CREBBP: variants seen among roughly 807,000 people sequenced by gnomAD.
CREBBP encodes CREB binding lysine acetyltransferase.
Under a neutral mutation model 265.0 loss-of-function variants are expected in CREBBP, and 19 were observed. That is an observed-to-expected ratio of 0.07 (90% CI 0.05 to 0.11). The LOEUF is 0.11. CREBBP is among the 10% of genes least tolerant of loss of function. The pLI is 1.00. For missense variants in CREBBP, 2,525 were observed against 3,219.0 expected, an observed-to-expected ratio of 0.78 and a Z score of 5.22; for synonymous variants, 1,457 against 1,223.7, an observed-to-expected ratio of 1.19 and a Z score of -3.98.
intron 2 of CREBBP, among the ~76,000 whole-genome samples, chr16:3,834,620 T>C (rs142380579): frequency 6.6e-6 from 1 of 152,262 alleles, no homozygotes; most frequent in East Asian, 1.9e-4. Context: ...TATACATTTG[T>C]CCAAGTCCAC....
At chr16:3,791,845 G>A in intron 5 of CREBBP, 136 bp downstream of exon 5, 1 of 773,746 alleles carries the variant, frequency 1.3e-6, no homozygotes, top group South Asian at 1.4e-5. Flanking sequence ...GCTGTACCTT[G>A]GGCTGCTGTC....
intron 1 of CREBBP, among the ~76,000 whole-genome samples, chr16:3,852,082 A>C (rs2054857767): frequency 8.2e-6 from 1 of 121,730 alleles, no homozygotes; most frequent in Non-Finnish European, 1.7e-5. Flanking sequence ...AAAAGAATGT[A>C]TGTGTGTAAC....
intron 2 of CREBBP, among the ~76,000 whole-genome samples, chr16:3,820,272 T>C (rs1477783524): frequency 1.3e-5 from 2 of 152,248 alleles, no homozygotes; most frequent in Non-Finnish European, 2.9e-5. Flanking sequence ...TATCACTCGC[T>C]TGCTCTTGGA....
intron 2 of CREBBP, among the ~76,000 whole-genome samples, chr16:3,842,708 T>C (rs2054587617): frequency 3.9e-5 from 6 of 152,116 alleles, no homozygotes; most frequent in Admixed American, 3.9e-4. Flanking sequence ...CTCATGCCTG[T>C]AACCTCAGCA....
rs759500116 is a variant in CREBBP, at chr16:3,728,414, T to TTGC, written c.6630_6632dup (p.Gln2216dup). The TTGC allele has an allele frequency of 1.0e-4, 168 of 1,613,094 alleles. No individual in the cohort carries two copies. Among genetic ancestry groups the TTGC allele is most frequent in the African/African-American group, 1.3e-4 (10 of 74,754 alleles). On this transcript the variant is annotated inframe_insertion, in exon 31 of 31. Transcript: ENST00000262367. The surrounding 1 kb of genome is among the most constrained non-coding windows in gnomAD (Gnocchi z 8.7). ...CGGCACTCCCTTGCTGCTGCTGCTGTTGCTGCTGTTGTTGCTGCTGCTGTT... is the reference window on the plus strand; with the variant it reads ...CGGCACTCCCTTGCTGCTGCTGCTGTTGCTGCTGCTGTTGTTGCTGCTGCTGTT...
Position 3,727,140 on chromosome 16 carries a change from G to T in CREBBP, c.*578C>A, listed in dbSNP as rs970023403. 2 of 235,566 alleles carry T rather than the reference G, an allele frequency of 8.5e-6. No individual in the cohort carries two copies. Among genetic ancestry groups the T allele is most frequent in the Non-Finnish European group, 1.7e-5 (2 of 119,446 alleles). The allele number at this position is 235,566 out of a possible 1,614,324, so 14.6% of individuals were successfully genotyped here. On this transcript the variant is annotated 3_prime_UTR_variant, in exon 31 of 31. Transcript: ENST00000262367. Reference sequence around the variant, plus strand: ...CTTCAGCCATTATGTATAGATAGATGTGTGTGGGTGTGTACGTGTGTGCAC... The same window carrying T: ...CTTCAGCCATTATGTATAGATAGATTTGTGTGGGTGTGTACGTGTGTGCAC...
At chr16:3,820,789 G>C (rs1351945620) in intron 2 of CREBBP, among the ~76,000 whole-genome samples, 2 of 152,152 alleles carry the variant, frequency 1.3e-5, no homozygotes, top group Admixed American at 6.5e-5. Flanking sequence ...GAACCCAAGA[G>C]GTTGAGGATG....
At chr16:3,876,888 G>A (rs1014921443) in intron 1 of CREBBP, among the ~76,000 whole-genome samples, 18 of 152,132 alleles carry the variant, frequency 1.2e-4, no homozygotes, top group African/African-American at 4.1e-4. Context: ...CATGACCTTC[G>A]GGAGTGCTGT....
At chr16:3,875,763 T>C (rs907250965) in intron 1 of CREBBP, among the ~76,000 whole-genome samples, 1 of 152,172 alleles carries the variant, frequency 6.6e-6, no homozygotes, top group African/African-American at 2.4e-5. Flanking sequence ...GTTCCTCACC[T>C]AGAAAATAGC....
rs530951199 is a variant in CREBBP, at chr16:3,774,066, T to C, written c.2284-136A>G. ...AGGGCTCACATCCTGCCCTTCCTCA[T>C]GGGAAGAGACCACCACTTGCTAAGA... On this transcript the variant is annotated intron_variant, in intron 12 of 30. Coordinates refer to ENST00000262367, the MANE Select transcript of CREBBP (RefSeq NM_004380.3). The C allele has an allele frequency of 1.6e-4, 153 of 961,792 alleles. No homozygotes were observed. The East Asian group carries it at 3.7e-3, about 23-fold the overall frequency. The allele number at this position is 961,792 out of a possible 1,614,324, so 59.6% of individuals were successfully genotyped here.
intron 12 of CREBBP, 141 bp downstream of exon 12, chr16:3,774,426 TGA>T: frequency 1.8e-6 from 2 of 1,083,190 alleles, no homozygotes; most frequent in South Asian, 2.7e-5. Context: ...TTTTTTAAAA[TGA>T]GAGATGAAAG....
chr16:3,765,600 A>C (rs774955771), intron 16 of CREBBP, among the ~76,000 whole-genome samples: 4 of 152,208 alleles, frequency 2.6e-5, no homozygotes, highest in Non-Finnish European at 4.4e-5. Flanking sequence ...AAAAAAATCA[A>C]ATGCTTTGGA....
rs914082380 is a variant in CREBBP at position 3,770,828 on chromosome 16, T to C, written c.2622A>G (p.Pro874=). ...AGMPSLQHTT[P]PGMTPPQPAA... is the part of the protein sequence containing the mutation. ...CTGGCTGGGGAGGAGTCATCCCAGGTGGTGTCGTGTGCTGGAGAGATGGCA... is the reference window on the plus strand; with the variant it reads ...CTGGCTGGGGAGGAGTCATCCCAGGCGGTGTCGTGTGCTGGAGAGATGGCA... Residue 874 remains proline, a synonymous_variant, in exon 14 of 31, where the codon CCA becomes CCG. Coordinates refer to ENST00000262367, the MANE Select transcript of CREBBP (RefSeq NM_004380.3). 6.2e-7 allele frequency: 1 copy of C among 1,613,342 alleles called. No individual in the cohort carries two copies. Among genetic ancestry groups the C allele is most frequent in the African/African-American group, 1.3e-5 (1 of 74,682 alleles).
chr16:3,770,902 G>C lies in CREBBP; in HGVS notation c.2548C>G (p.Gln850Glu), dbSNP rs1393261143. The change falls in exon 14 of 31, where the codon CAG becomes GAG. Residue 850 changes from glutamine (Q) to glutamate (E), a missense_variant. Physicochemically the swap from Gln to Glu is conservative, Grantham distance 29 (BLOSUM62 2). Coordinates refer to ENST00000262367, the MANE Select transcript of CREBBP (RefSeq NM_004380.3). ...ASQLPCPPVT[Q>E]SPLHPTPPPA... ...GGCGGTGTTGGGTGCAGTGGTGACT[G>C]TGTCACTGGAGGGCAAGGTAGCTGG... The C allele has an allele frequency of 6.2e-7, 1 of 1,613,880 alleles. No homozygotes were observed. Among genetic ancestry groups the C allele is most frequent in the South Asian group, 1.1e-5 (1 of 91,078 alleles).
intron 23 of CREBBP, among the ~76,000 whole-genome samples, chr16:3,744,279 G>A (rs956593719): frequency 7.2e-5 from 11 of 152,118 alleles, no homozygotes; most frequent in Non-Finnish European, 4.4e-5. Flanking sequence ...CAGCACCCAC[G>A]GGACAGACCC....
At chr16:3,790,630 G>A (rs1202287249) in intron 5 of CREBBP, among the ~76,000 whole-genome samples, 4 of 152,174 alleles carry the variant, frequency 2.6e-5, no homozygotes, top group East Asian at 3.9e-4. Context: ...GATTACAGGC[G>A]TGAGCCATTG....
intron 1 of CREBBP, 26 bp from the exon 2 acceptor site, chr16:3,851,035 G>A (rs1313289730): frequency 6.3e-7 from 1 of 1,598,570 alleles, no homozygotes; most frequent in East Asian, 2.2e-5. Context: ...AAATGGAAAT[G>A]AGAAACTAAG....
chr16:3,742,438 A>G (rs1175399449), intron 23 of CREBBP: 1 of 152,218 alleles, frequency 6.6e-6, no homozygotes, highest in Non-Finnish European at 1.5e-5. Flanking sequence ...AAATCTAAAA[A>G]TGAACACTTT....
Position 3,745,306 on chromosome 16 carries a change from A to G in CREBBP, c.3885T>C (p.Val1295=). The G allele has an allele frequency of 1.2e-6, 2 of 1,614,092 alleles. No homozygotes were observed. Among genetic ancestry groups the G allele is most frequent in the Non-Finnish European group, 1.7e-6 (2 of 1,179,972 alleles). Residue 1295 remains valine, a synonymous_variant, in exon 22 of 31, where the codon GTT becomes GTC. Transcript: ENST00000262367. ...AAGGCCAAATGATGTCATAGTGCAG[A>G]ACGCAAATCTGATGCATCTTCCGGC... ...ECGRKMHQIC[V]LHYDIIWPSG... is the part of the protein sequence containing the mutation.
Sources: allele counts gnomAD v4.1 joint callset (sites outside exome capture counted in the v4.1 genomes callset), GRCh38; gene constraint gnomAD v4.1.1; non-coding constraint Gnocchi (gnomAD v3.1); transcripts MANE v1.5; gene names NCBI Gene and HGNC (gene_info 2026-07-23, HGNC 2026-07-21).